ZNF493: variants seen among roughly 807,000 people sequenced by gnomAD.
The protein encoded by ZNF493 is zinc finger protein 493.
In ZNF493, 11 loss-of-function variants were observed where a neutral mutation model predicts 12.2. That is an observed-to-expected ratio of 0.90 (90% CI 0.57 to 1.50). ZNF493 has a LOEUF of 1.50. Among genes scored for constraint, ZNF493 ranks in the 40% most tolerant of loss-of-function variants. The probability of loss-of-function intolerance (pLI) is 0.00; values close to 1 mark genes in which losing one functional copy is unlikely to be tolerated. For synonymous variants in ZNF493, 286 were observed against 302.6 expected, an observed-to-expected ratio of 0.95 and a Z score of 0.57; for missense variants, 950 against 906.6, an observed-to-expected ratio of 1.05 and a Z score of -0.61.
rs1424978992 is a variant in ZNF493, at chr19:21,405,410, TTTC to T, written c.157+159_157+161del. ...GAAGAACTGTCCGTGTGGAAAAAAA[TTTC>T]TTCAGGATGTTTTATCTTGGCCTGA... On this transcript the variant is annotated intron_variant, in intron 2 of 3. Coordinates refer to ENST00000392288, the MANE Select transcript of ZNF493 (RefSeq NM_001076678.3). The T allele has an allele frequency of 4.1e-6, 6 of 1,450,178 alleles. No homozygotes were observed. In the Admixed American group the frequency reaches 1.1e-4, roughly 28 times the overall value. 89.8% of individuals were successfully genotyped at this position (1,450,178 alleles called of 1,614,324 possible). A position where few individuals can be genotyped will look rare whatever the true frequency, so the allele number is the denominator to read the frequency against.
rs139879180 is a variant in ZNF493 at position 21,412,099 on chromosome 19, T to C, written c.253+6243T>C. On this transcript the variant is annotated intron_variant, in intron 3 of 3. Coordinates refer to ENST00000392288, the MANE Select transcript of ZNF493 (RefSeq NM_001076678.3). ...TTAAAGACACACACACACAGAAATA[T>C]AGAGGTGTGAAGTGGGAAATCAGAA... 28 of 152,044 alleles carry C rather than the reference T, an allele frequency of 1.8e-4. 1 individual carries two copies. The highest frequency in any genetic ancestry group is 6.0e-4 in the African/African-American group (25 of 41,456). The allele number at this position is 152,044 out of a possible 1,614,324, so 9.4% of individuals were successfully genotyped here. A position where few individuals can be genotyped will look rare whatever the true frequency, so the allele number is the denominator to read the frequency against.
Position 21,424,166 on chromosome 19 carries a change from A to G in ZNF493, c.1507A>G (p.Thr503Ala), listed in dbSNP as rs992543463. The G allele has an allele frequency of 1.2e-6, 2 of 1,613,004 alleles. No individual in the cohort carries two copies. Among genetic ancestry groups the G allele is most frequent in the African/African-American group, 1.3e-5 (1 of 74,854 alleles). ...ECGKAFNQSS[T>A]LSIHKIIHTG... ...TGGCAAAGCTTTTAACCAATCTTCA[A>G]CCCTTAGTATACATAAAATAATTCA... is the stretch of plus-strand genomic sequence containing the variant. The change falls in exon 4 of 4, where the codon ACC becomes GCC. Residue 503 changes from threonine (T) to alanine (A), a missense_variant. Transcript: ENST00000392288.
intron 3 of ZNF493, 52 bp from the exon 4 acceptor site, chr19:21,422,861 T>A: frequency 1.4e-6 from 2 of 1,443,016 alleles, no homozygotes; most frequent in East Asian, 2.3e-5. Flanking sequence ...TTGTAATCTA[T>A]ATTTATCTGA....
chr19:21,413,475 C>T (rs564997901), intron 3 of ZNF493: 21 of 404,196 alleles, frequency 5.2e-5, no homozygotes, highest in East Asian at 1.1e-4. Context: ...GGTTTTCTTC[C>T]GCCATCTGTG....
Position 21,425,780 on chromosome 19 carries a change from T to C in ZNF493, c.*796T>C, listed in dbSNP as rs370494731. The C allele has an allele frequency of 2.8e-4, 163 of 582,672 alleles. 2 individuals are homozygous for C. In the East Asian group the frequency reaches 3.9e-3, roughly 14 times the overall value. The allele number at this position is 582,672 out of a possible 1,614,324, so 36.1% of individuals were successfully genotyped here. Reference sequence around the variant, plus strand: ...ATACTGGAGAAAAATCTTACAAATGTGAAGAATGTGGCAAAGCCTTTATCC... The same window carrying C: ...ATACTGGAGAAAAATCTTACAAATGCGAAGAATGTGGCAAAGCCTTTATCC... On this transcript the variant is annotated 3_prime_UTR_variant, in exon 4 of 4. Coordinates refer to ENST00000392288, the MANE Select transcript of ZNF493 (RefSeq NM_001076678.3).
At chr19:21,419,802 T>A (rs548068640) in intron 3 of ZNF493, among the ~76,000 whole-genome samples, 31 of 151,990 alleles carry the variant, frequency 2.0e-4, no homozygotes, top group African/African-American at 6.8e-4. Context: ...GAAGTGAGGG[T>A]TTATTCTGCA....
At chr19:21,408,006 G>C (rs2030191205) in intron 3 of ZNF493, 1 of 985,040 alleles carries the variant, frequency 1.0e-6, no homozygotes, top group Non-Finnish European at 1.2e-6. Flanking sequence ...ATGCCCTCTG[G>C]GTTTGTAGTG....
rs751569988 is a variant in ZNF493 at position 21,423,847 on chromosome 19, G to C, written c.1188G>C (p.Lys396Asn). 10 of 1,607,544 alleles carry C rather than the reference G, an allele frequency of 6.2e-6. No individual in the cohort carries two copies. Among genetic ancestry groups the C allele is most frequent in the Non-Finnish European group, 1.7e-6 (2 of 1,177,828 alleles). ...TTTTCTCAACCCTTACTAAACATAA[G>C]ATAATTCACACTGAAGAGAAATCCC... ...FSIFSTLTKH[K>N]IIHTEEKSHR... The change falls in exon 4 of 4, where the codon AAG (lysine) becomes AAC (asparagine). Residue 396 changes from lysine to asparagine, a missense_variant. Physicochemically the swap from Lys to Asn is moderately conservative, Grantham distance 94. Transcript: ENST00000392288.
intron 1 of ZNF493, 37 bp from the exon 2 acceptor site, chr19:21,405,089 TGTG>T (rs762544058): frequency 1.5e-6 from 1 of 650,440 alleles, no homozygotes; most frequent in Non-Finnish European, 2.2e-6. Context: ...CACGTGTAAA[TGTG>T]TGTGTGTGTG....
chr19:21,405,230 G>A lies in ZNF493; in HGVS notation c.132G>A (p.Glu44=), dbSNP rs1163174487. 2.5e-6 allele frequency: 4 copies of A among 1,613,768 alleles called. No homozygotes were observed. Among genetic ancestry groups the A allele is most frequent in the South Asian group, 1.1e-5 (1 of 91,010 alleles). The change falls in exon 2 of 4, where the codon GAG becomes GAA. Residue 44 remains glutamate (E), a synonymous_variant. Coordinates refer to ENST00000392288, the MANE Select transcript of ZNF493 (RefSeq NM_001076678.3). ...QQDLYRKVML[E]NYRNLVFLGI... is the part of the protein sequence containing the mutation. ...ATTTGTATAGGAAAGTGATGTTAGAGAACTACAGAAACCTGGTCTTCTTGG... is the reference window on the plus strand; with the variant it reads ...ATTTGTATAGGAAAGTGATGTTAGAAAACTACAGAAACCTGGTCTTCTTGG...
At chr19:21,401,932 C>G (rs1599728833) in intron 1 of ZNF493, among the ~76,000 whole-genome samples, 3 of 149,908 alleles carry the variant, frequency 2.0e-5, no homozygotes, top group African/African-American at 7.4e-5. Flanking sequence ...GCCCGGTCAG[C>G]TATTTATTTA....
chr19:21,418,054 G>A (rs183263297), intron 3 of ZNF493, among the ~76,000 whole-genome samples: 132 of 152,260 alleles, frequency 8.7e-4, no homozygotes, highest in Admixed American at 1.8e-3. Flanking sequence ...TCACTCTCTC[G>A]TCTAGCTTGC....
intron 3 of ZNF493, among the ~76,000 whole-genome samples, chr19:21,419,844 A>G (rs902245005): frequency 2.0e-5 from 3 of 152,146 alleles, no homozygotes; most frequent in East Asian, 1.9e-4. Flanking sequence ...TTGTCCTGCT[A>G]TTCTGGGTCT....
rs1335970071 is a variant in ZNF493, at chr19:21,425,792, C to T, written c.*808C>T. The T allele has an allele frequency of 6.9e-6, 4 of 577,028 alleles. No homozygotes were observed. In the East Asian group the frequency reaches 1.5e-4, roughly 21 times the overall value. The allele number at this position is 577,028 out of a possible 1,614,324, so 35.7% of individuals were successfully genotyped here. A position where few individuals can be genotyped will look rare whatever the true frequency, so the allele number is the denominator to read the frequency against. ...AATCTTACAAATGTGAAGAATGTGG[C>T]AAAGCCTTTATCCAGTCCTCAACTC... On this transcript the variant is annotated 3_prime_UTR_variant, in exon 4 of 4. Transcript: ENST00000392288.
intron 3 of ZNF493, among the ~76,000 whole-genome samples, chr19:21,422,420 CTTCTTTATTTAT>C (rs1208436779): frequency 9.2e-6 from 1 of 108,134 alleles, no homozygotes; most frequent in African/African-American, 3.6e-5. Flanking sequence ...TGGCAAGTTA[CTTCTTTATTTAT>C]TTATTTATTT....
chr19:21,423,303 G>A lies in ZNF493; in HGVS notation c.644G>A (p.Cys215Tyr). ...IRENSYRCEE[C>Y]GKAFIWFSTL... ...GAGAATTCTTACCGATGTGAAGAAT[G>A]TGGCAAAGCCTTTATCTGGTTTTCA... is the stretch of plus-strand genomic sequence containing the variant. The change falls in exon 4 of 4, where the codon TGT (cysteine) becomes TAT (tyrosine). Residue 215 changes from cysteine to tyrosine, a missense_variant. Transcript: ENST00000392288. 1 of 1,613,862 alleles carries A rather than the reference G, an allele frequency of 6.2e-7. No homozygotes were observed. The highest frequency in any genetic ancestry group is 1.1e-5 in the South Asian group (1 of 91,058).
In ZNF493 at chr19:21,397,195, T is replaced by TGTGG; in HGVS notation, c.-42_-39dup. On this transcript the variant is annotated 5_prime_UTR_variant, in exon 1 of 4. Transcript: ENST00000392288. ...TTCACTGCTCTGTGTCCTCAGCGTG[T>TGTGG]GTGGCTTCGTGACCTGAAGATACTG... 6.2e-7 allele frequency: 1 copy of TGTGG among 1,613,088 alleles called. No homozygotes were observed. The highest frequency in any genetic ancestry group is 1.3e-5 in the African/African-American group (1 of 75,042).
At chr19:21,415,593 A>G (rs923937594) in intron 3 of ZNF493, among the ~76,000 whole-genome samples, 9 of 152,230 alleles carry the variant, frequency 5.9e-5, no homozygotes, top group African/African-American at 1.9e-4. Context: ...ATATTTCTCA[A>G]GTGGCGGCAG....
At chr19:21,420,624 T>TATATATATATA (rs1491161100) in intron 3 of ZNF493, among the ~76,000 whole-genome samples, 52 of 17,046 alleles carry the variant, frequency 3.1e-3, no homozygotes, top group East Asian at 0.01. Flanking sequence ...TATATATATA[T>TATATATATATA]TTTTTTTTTT....
Sources: allele counts gnomAD v4.1 joint callset (sites outside exome capture counted in the v4.1 genomes callset), GRCh38; gene constraint gnomAD v4.1.1; transcripts MANE v1.5; gene names NCBI Gene and HGNC (gene_info 2026-07-23, HGNC 2026-07-21).